RAD51B: variants seen among roughly 807,000 people sequenced by gnomAD.
The protein encoded by RAD51B is RAD51 paralog B, also known as DNA repair protein RAD51 homolog 2.
Under a neutral mutation model 42.2 loss-of-function variants are expected in RAD51B, and 38 were observed. The ratio of observed to expected loss-of-function variants is 0.90; its 90% CI spans 0.70 to 1.18. The LOEUF is 1.18. Ranked by LOEUF, RAD51B falls within the 50% of genes most tolerant of loss-of-function variation. The pLI is 0.00. For synonymous variants in RAD51B, 154 were observed against 145.2 expected (o/e 1.06, Z -0.43); for missense variants, 373 against 400.7 (o/e 0.93, Z 0.59).
chr14:68,189,345 A>G (rs763038103), intron 7 of RAD51B, among the ~76,000 whole-genome samples: 2 of 152,010 alleles, frequency 1.3e-5, no homozygotes, highest in African/African-American at 2.4e-5. Context: ...TCTAGTGTCT[A>G]TTTCTTTATG....
intron 7 of RAD51B, among the ~76,000 whole-genome samples, chr14:67,893,034 G>A (rs1400020092): frequency 6.6e-6 from 1 of 152,138 alleles, no homozygotes; most frequent in Non-Finnish European, 1.5e-5. Context: ...AGTCCTGTGA[G>A]TCCTTCTAGT....
chr14:67,840,099 G>A (rs371206058), intron 4 of RAD51B, among the ~76,000 whole-genome samples: 2 of 152,134 alleles, frequency 1.3e-5, no homozygotes, highest in East Asian at 3.8e-4. Flanking sequence ...ACGTGTGCTT[G>A]AAAAGAATGA....
chr14:68,322,695 A>T (rs2082177632), intron 8 of RAD51B, among the ~76,000 whole-genome samples: 1 of 152,134 alleles, frequency 6.6e-6, no homozygotes, highest in Admixed American at 6.6e-5. Context: ...GGCCTCACAG[A>T]TGCACTCTGT....
intron 7 of RAD51B, among the ~76,000 whole-genome samples, chr14:67,988,376 T>G (rs1566559161): frequency 2.0e-5 from 3 of 151,990 alleles, no homozygotes; most frequent in South Asian, 4.1e-4. Flanking sequence ...GGAGAATTGC[T>G]TGAACATGGT....
At chr14:67,879,263 A>G (rs1265106232) in intron 5 of RAD51B, among the ~76,000 whole-genome samples, 1 of 152,216 alleles carries the variant, frequency 6.6e-6, no homozygotes, top group Non-Finnish European at 1.5e-5. Flanking sequence ...AAGTGATTGA[A>G]TTAGCCCACC....
At chr14:68,570,813 A>G (rs189423656) in intron 10 of RAD51B, among the ~76,000 whole-genome samples, 123 of 152,270 alleles carry the variant, frequency 8.1e-4, no homozygotes, top group South Asian at 5.0e-3. Flanking sequence ...ACTGTGATCA[A>G]TAACCTAAAG....
At chr14:68,555,023 T>C (rs1038369735) in intron 10 of RAD51B, among the ~76,000 whole-genome samples, 1 of 152,126 alleles carries the variant, frequency 6.6e-6, no homozygotes, top group Non-Finnish European at 1.5e-5. Context: ...TATTTTTATA[T>C]TTTTAGTAGA....
At chr14:68,272,995 A>G (rs890865674) in intron 7 of RAD51B, among the ~76,000 whole-genome samples, 2 of 151,854 alleles carry the variant, frequency 1.3e-5, no homozygotes, top group African/African-American at 4.8e-5. Context: ...AACACTTTCT[A>G]TATTTTAAAA....
At chr14:68,361,388 A>G (rs1180611933) in intron 8 of RAD51B, among the ~76,000 whole-genome samples, 1 of 152,188 alleles carries the variant, frequency 6.6e-6, no homozygotes, top group Non-Finnish European at 1.5e-5. Context: ...ATAAGTACCT[A>G]CTGAGTGAAT....
intron 10 of RAD51B, among the ~76,000 whole-genome samples, chr14:68,602,949 A>G (rs1452067828): frequency 1.3e-5 from 2 of 152,190 alleles, no homozygotes; most frequent in African/African-American, 4.8e-5. Context: ...CTGACATGCA[A>G]TAGGGACAGG....
At chr14:68,063,796 C>G (rs1056283407) in intron 7 of RAD51B, among the ~76,000 whole-genome samples, 1 of 152,098 alleles carries the variant, frequency 6.6e-6, no homozygotes, top group South Asian at 2.1e-4. Context: ...AGCATATAGT[C>G]GGATCTTGTT....
intron 7 of RAD51B, among the ~76,000 whole-genome samples, chr14:67,949,330 G>C (rs550693468): frequency 1.2e-4 from 18 of 152,284 alleles, no homozygotes; most frequent in African/African-American, 3.9e-4. Context: ...TAAATCCTTT[G>C]TTGTCATTTC....
intron 10 of RAD51B, among the ~76,000 whole-genome samples, chr14:68,518,137 G>T (rs1886288323): frequency 6.6e-6 from 1 of 152,240 alleles, no homozygotes; most frequent in Admixed American, 6.5e-5. Context: ...TGGCACCTGT[G>T]AGCATTGTAT....
At chr14:68,419,783 ATCTT>A (rs961683201) in intron 9 of RAD51B, among the ~76,000 whole-genome samples, 14 of 151,676 alleles carry the variant, frequency 9.2e-5, no homozygotes, top group African/African-American at 3.4e-4. Context: ...GAGTCAGTCA[ATCTT>A]TATTTTGAAA....
chr14:68,128,564 C>T (rs964920784), intron 7 of RAD51B, among the ~76,000 whole-genome samples: 18 of 152,218 alleles, frequency 1.2e-4, no homozygotes, highest in Admixed American at 7.2e-4. Flanking sequence ...TGGTGTTACA[C>T]GCCTGTAGCC....
At chr14:68,028,177 A>G (rs888965249) in intron 7 of RAD51B, among the ~76,000 whole-genome samples, 1 of 152,104 alleles carries the variant, frequency 6.6e-6, no homozygotes, top group East Asian at 1.9e-4. Context: ...GCTTTTATTC[A>G]TCTGTGTGTC....
chr14:67,978,716 T>A (rs2075038857), intron 7 of RAD51B, among the ~76,000 whole-genome samples: 1 of 152,200 alleles, frequency 6.6e-6, no homozygotes, highest in African/African-American at 2.4e-5. Flanking sequence ...TACTTTAATA[T>A]TTCTAAAAGG....
intron 7 of RAD51B, among the ~76,000 whole-genome samples, chr14:68,184,291 A>G (rs991078535): frequency 6.6e-6 from 1 of 152,022 alleles, no homozygotes; most frequent in East Asian, 1.9e-4. Context: ...GCTGGAGTGC[A>G]GTGGTGCAAT....
chr14:68,311,477 T>C (rs187251738), intron 8 of RAD51B, among the ~76,000 whole-genome samples: 1 of 152,348 alleles, frequency 6.6e-6, no homozygotes, highest in East Asian at 1.9e-4. Context: ...CTTTAAGCTA[T>C]CTCAGCTCAA....
Sources: gnomAD v4.1 joint callset for allele counts (sites outside exome capture counted in the v4.1 genomes callset) on GRCh38, gnomAD v4.1.1 for gene constraint, MANE v1.5 for transcripts, NCBI Gene and HGNC (gene_info 2026-07-23, HGNC 2026-07-21) for gene names.